The following DYNC1H1 variants were observed in gnomAD, a reference collection of about 807,000 sequenced individuals.
DYNC1H1 encodes cytoplasmic dynein 1 heavy chain 1.
A neutral mutation model predicts 527.1 loss-of-function variants in DYNC1H1; 51 were observed. That is an observed-to-expected ratio of 0.10 (90% CI 0.08 to 0.12). The LOEUF is 0.12. DYNC1H1 is among the 10% of genes least tolerant of loss of function. The pLI, the probability that DYNC1H1 is intolerant of heterozygous loss-of-function variation, is 1.00. For missense variants in DYNC1H1, 2,771 were observed against 5,971.8 expected (o/e 0.46, Z 17.66); for synonymous variants, 2,189 against 2,278.8 (o/e 0.96, Z 1.12).
intron 43 of DYNC1H1, chr14:102,023,836 C>G (rs188620769): frequency 3.7e-4 from 57 of 152,130 alleles, no homozygotes; most frequent in African/African-American, 1.3e-3. Context: ...AGTGAGATTC[C>G]GTCTCAAAAA....
chr14:102,029,185 A>G lies in DYNC1H1; in HGVS notation c.9469-354A>G. 3.0e-6 allele frequency: 1 copy of G among 334,478 alleles called. No homozygotes were observed. Among genetic ancestry groups the G allele is most frequent in the Non-Finnish European group, 5.8e-6 (1 of 173,366 alleles). The allele number at this position is 334,478 out of a possible 1,614,324, so 20.7% of individuals were successfully genotyped here. On this transcript the variant is annotated intron_variant, in intron 48 of 77. Transcript: ENST00000360184. This position sits in a 1 kb window ranked among gnomAD's most constrained non-coding sequence, Gnocchi z 5.3. ...AGGGACCAGAGCAGTTTCTCACATC[A>G]GGCCTGCCTTGCCCCTTTCTTGTCA...
chr14:101,970,761 G>A (rs1024253474), intron 1 of DYNC1H1, among the ~76,000 whole-genome samples: 59 of 152,178 alleles, frequency 3.9e-4, no homozygotes, highest in African/African-American at 1.4e-3. Flanking sequence ...GGGACTGCAG[G>A]CGTGAGCCAC....
intron 7 of DYNC1H1, among the ~76,000 whole-genome samples, chr14:101,984,980 A>G (rs940321051): frequency 1.3e-5 from 2 of 148,768 alleles, no homozygotes; most frequent in Non-Finnish European, 1.5e-5. Flanking sequence ...GGGTTTCACC[A>G]TGTTGGCCAG....
chr14:102,025,320 A>ACT (rs2048435652), intron 43 of DYNC1H1, among the ~76,000 whole-genome samples: 1 of 151,664 alleles, frequency 6.6e-6, no homozygotes, highest in South Asian at 2.1e-4. Flanking sequence ...CAGGAGAATC[A>ACT]CTTAAACCTG....
rs752503998 is a variant in DYNC1H1 at position 102,006,987 on chromosome 14, CTG to C, written c.5717-19_5717-18del. On this transcript the variant is annotated intron_variant, in intron 27 of 77. Transcript: ENST00000360184. ...CAGTTAGGTAATGGACTCAAGCACT[CTG>C]TTGCTTTTCTTTAAACAGGACCTGC... 1.9e-6 allele frequency: 3 copies of C among 1,610,334 alleles called. No homozygotes were observed. The highest frequency in any genetic ancestry group is 1.7e-6 in the Non-Finnish European group (2 of 1,176,532).
In DYNC1H1 at chr14:101,984,399, ATATGTG is replaced by A. The variant is rs1327878352; in HGVS notation, c.1461+792_1461+797del. Among the ~76,000 whole-genome samples, 525 of 87,512 alleles carry A rather than the reference ATATGTG, an allele frequency of 6.0e-3. 8 individuals are homozygous for A. Among genetic ancestry groups the A allele is most frequent in the African/African-American group, 0.025 (486 of 19,486 alleles). The allele number at this position is 87,512 out of a possible 152,430, so 57.4% of individuals were successfully genotyped here. On this transcript the variant is annotated intron_variant, in intron 7 of 77. Coordinates refer to ENST00000360184, the MANE Select transcript of DYNC1H1 (RefSeq NM_001376.5). ...TGTGTGTGTATATATATATGCGTAT[ATATGTG>A]TGTGTGTGTGTGTGTGTGTGTGTGT...
chr14:101,977,066 G>A (rs1016261845), intron 2 of DYNC1H1, among the ~76,000 whole-genome samples: 2 of 152,172 alleles, frequency 1.3e-5, no homozygotes, highest in Admixed American at 1.3e-4. Context: ...CAGATACCAA[G>A]GGACAACTGG....
At position 102,051,062 on chromosome 14, in the gene DYNC1H1, A is replaced by C. The variant is rs1314349065; in HGVS notation, c.*499A>C. ...CAGCACTTTGGGAGTCTGGGAGTTA[A>C]AGACCAGCCTCGGCAACATAGTGAG... On this transcript the variant is annotated 3_prime_UTR_variant, in exon 78 of 78. Transcript: ENST00000360184. 4.5e-6 allele frequency: 1 copy of C among 222,828 alleles called. No individual in the cohort carries two copies. The highest frequency in any genetic ancestry group is 2.3e-5 in the African/African-American group (1 of 43,352). The allele number at this position is 222,828 out of a possible 1,614,324, so 13.8% of individuals were successfully genotyped here.
At position 101,995,585 on chromosome 14, in the gene DYNC1H1, TGG is replaced by T. The variant is rs1315914327; in HGVS notation, c.3564+287_3564+288del. On this transcript the variant is annotated intron_variant, in intron 15 of 77. Transcript: ENST00000360184. Reference sequence around the variant, plus strand: ...GAAATTGTGCCACTGCATTCCAGCCTGGGCAACAGAGTGAGACTCCGTCTCAA... The same window carrying T: ...GAAATTGTGCCACTGCATTCCAGCCTGCAACAGAGTGAGACTCCGTCTCAA... 2.0e-4 allele frequency among the ~76,000 whole-genome samples: 29 copies of T among 146,868 alleles called. 1 individual carries two copies. The highest frequency in any genetic ancestry group is 7.1e-4 in the African/African-American group (28 of 39,540).
At position 102,018,688 on chromosome 14, in the gene DYNC1H1, T is replaced by G. The variant is rs993853800; in HGVS notation, c.8343+72T>G. On this transcript the variant is annotated intron_variant, in intron 41 of 77. Coordinates refer to ENST00000360184, the MANE Select transcript of DYNC1H1 (RefSeq NM_001376.5). The surrounding 1 kb of genome is among the most constrained non-coding windows in gnomAD (Gnocchi z 5.2). The stretch of plus-strand genomic sequence containing the variant: ...ATTAAGGCACTCGATTGGTCAGGTG[T>G]GGTGGTTCACACCTGTAATCCCAGC... 1.8e-5 allele frequency: 29 copies of G among 1,574,772 alleles called. No individual in the cohort carries two copies. The highest frequency in any genetic ancestry group is 2.2e-5 in the Non-Finnish European group (26 of 1,162,560).
Position 102,047,967 on chromosome 14 carries a change from A to G in DYNC1H1, c.13157A>G (p.Asn4386Ser), listed in dbSNP as rs201575292. ...WMRTLHTTAS[N>S]WLHLIPQTLS... ...CGGACACTGCACACCACCGCGTCCA[A>G]CTGGCTGCACCTCATCCCCCAGACG... Residue 4386 changes from asparagine to serine, a missense_variant, in exon 73 of 78, where the codon AAC (asparagine) becomes AGC (serine). By Grantham distance (46) the Asn-to-Ser change is conservative. This residue lies in a region of DYNC1H1 where 170 missense variants were observed against 249.8 expected (regional missense o/e 0.68). Transcript: ENST00000360184. 7.3e-5 allele frequency: 118 copies of G among 1,612,834 alleles called. No homozygotes were observed. Among genetic ancestry groups the G allele is most frequent in the East Asian group, 1.1e-4 (5 of 44,878 alleles).
intron 72 of DYNC1H1, among the ~76,000 whole-genome samples, chr14:102,046,342 G>GAAGAC (rs767025757): frequency 7.9e-5 from 12 of 152,160 alleles, no homozygotes; most frequent in Non-Finnish European, 1.6e-4. Flanking sequence ...GAAAAGCTAA[G>GAAGAC]AAGACAAGAA....
rs2048485726 is a variant in DYNC1H1, at chr14:102,029,437, C to G, written c.9469-102C>G. ...GTGTTCTGGCCCCGAGGGCCAGGCT[C>G]CTTCTATCATGTCACACCCATCTGC... On this transcript the variant is annotated intron_variant, in intron 48 of 77. Transcript: ENST00000360184. The surrounding 1 kb of genome is among the most constrained non-coding windows in gnomAD (Gnocchi z 5.3). 1 of 1,516,740 alleles carries G rather than the reference C, an allele frequency of 6.6e-7. No homozygotes were observed. The highest frequency in any genetic ancestry group is 9.0e-7 in the Non-Finnish European group (1 of 1,105,302). The allele number at this position is 1,516,740 out of a possible 1,614,324, so 94.0% of individuals were successfully genotyped here. A position where few individuals can be genotyped will look rare whatever the true frequency, so the allele number is the denominator to read the frequency against.
intron 5 of DYNC1H1, 26 bp from the exon 6 acceptor site, chr14:101,982,988 AAAACC>A (rs1270071117): frequency 1.2e-6 from 2 of 1,605,882 alleles, no homozygotes; most frequent in African/African-American, 2.9e-5. Context: ...ACTTTATGTG[AAAACC>A]ATTAACTCTT....
Position 102,033,702 on chromosome 14 carries a change from C to T in DYNC1H1, c.10413+218C>T, listed in dbSNP as rs1419341332. The stretch of plus-strand genomic sequence containing the variant: ...TGATACAAACTGGACACTTTTCAGC[C>T]GTTGAATCCCCCACCAGCAGCTCCA... On this transcript the variant is annotated intron_variant, in intron 54 of 77. Transcript: ENST00000360184. The surrounding 1 kb of genome is among the most constrained non-coding windows in gnomAD (Gnocchi z 5.6). The T allele has an allele frequency of 2.0e-5, 14 of 707,426 alleles. No individual in the cohort carries two copies. Among genetic ancestry groups the T allele is most frequent in the East Asian group, 2.7e-5 (1 of 36,882 alleles). 43.8% of individuals were successfully genotyped at this position (707,426 alleles called of 1,614,324 possible).
At chr14:102,024,274 T>C (rs1463862500) in intron 43 of DYNC1H1, among the ~76,000 whole-genome samples, 1 of 152,262 alleles carries the variant, frequency 6.6e-6, no homozygotes, top group African/African-American at 2.4e-5. Context: ...TTGTCCTTTT[T>C]CTCTGCAAAG....
At position 102,056,153 on chromosome 14, in the gene DYNC1H1, G is replaced by A. The variant is rs1249951669; in HGVS notation, c.*5590G>A. Reference sequence around the variant, plus strand: ...CCTGGGCCTGCCTGGCCTAAACCTAGTCGTTAAAAATCAGCTCATGACTTA... The same window carrying A: ...CCTGGGCCTGCCTGGCCTAAACCTAATCGTTAAAAATCAGCTCATGACTTA... On this transcript the variant is annotated 3_prime_UTR_variant, in exon 78 of 78. Coordinates refer to ENST00000360184, the MANE Select transcript of DYNC1H1 (RefSeq NM_001376.5). 6.6e-6 allele frequency: 1 copy of A among 152,184 alleles called. No homozygotes were observed. Among genetic ancestry groups the A allele is most frequent in the Non-Finnish European group, 1.5e-5 (1 of 68,038 alleles). The allele number at this position is 152,184 out of a possible 1,614,324, so 9.4% of individuals were successfully genotyped here.
chr14:102,032,800 C>A, intron 52 of DYNC1H1: 1 of 568,062 alleles, frequency 1.8e-6, no homozygotes, highest in South Asian at 2.0e-5. Flanking sequence ...CTTCAGTGAA[C>A]CGAGATCACA....
At position 102,044,565 on chromosome 14, in the gene DYNC1H1, A is replaced by T. The variant is rs2048692701; in HGVS notation, c.12903-30A>T. 6.2e-7 allele frequency: 1 copy of T among 1,614,034 alleles called. No homozygotes were observed. The highest frequency in any genetic ancestry group is 1.7e-5 in the Admixed American group (1 of 60,004). ...TGGTGTCACTCAGAGGTGACCCCTG[A>T]CATCATTTCCAAATGCACTGGTTTT... On this transcript the variant is annotated intron_variant, in intron 71 of 77. Transcript: ENST00000360184. The surrounding 1 kb of genome is among the most constrained non-coding windows in gnomAD (Gnocchi z 7.1).
Sources: gnomAD v4.1 joint callset for allele counts (sites outside exome capture counted in the v4.1 genomes callset) on GRCh38, gnomAD v4.1.1 for gene constraint, gnomAD v4.1.1 regional missense constraint, Gnocchi (gnomAD v3.1) non-coding constraint, MANE v1.5 for transcripts, NCBI Gene and HGNC (gene_info 2026-07-23, HGNC 2026-07-21) for gene names.